Variants in HOOK2 observed in about 807,000 individuals in gnomAD.
HOOK2 encodes the protein protein Hook homolog 2.
Under a neutral mutation model 111.9 loss-of-function variants are expected in HOOK2, and 108 were observed. That is an observed-to-expected ratio of 0.96 (90% CI 0.83 to 1.13). The LOEUF (loss-of-function observed/expected upper bound fraction) is 1.13. Among genes scored for constraint, HOOK2 ranks in the 50% most tolerant of loss-of-function variants. The pLI, the probability that HOOK2 is intolerant of heterozygous loss-of-function variation, is 0.00. For missense variants in HOOK2, 978 were observed against 951.3 expected, an observed-to-expected ratio of 1.03 and a Z score of -0.37; for synonymous variants, 405 against 394.3, an observed-to-expected ratio of 1.03 and a Z score of -0.32.
Position 12,791,802 on chromosome 19 carries a change from CACG to C in HOOK2, n.42-17580_42-17578del, listed in dbSNP as rs772785758. The C allele has an allele frequency of 6.2e-6, 10 of 1,612,436 alleles. No individual in the cohort carries two copies. Among genetic ancestry groups the C allele is most frequent in the Non-Finnish European group, 8.5e-6 (10 of 1,179,122 alleles). ...CACTAAAATGGAACAGCCCTTCTAC[CACG>C]ACGACTCATACACAGCTACGGGATA... is the stretch of plus-strand genomic sequence containing the variant. On this transcript the variant is annotated intron_variant and non_coding_transcript_variant, in intron 3 of 3. Coordinates refer to the HOOK2 transcript ENST00000589765. This position sits in a 1 kb window ranked among gnomAD's most constrained non-coding sequence, Gnocchi z 7.0.
chr19:12,775,207 G>T (rs1968462907), intron 1 of HOOK2, 198 bp downstream of exon 1: 1 of 985,366 alleles, frequency 1.0e-6, no homozygotes, highest in Non-Finnish European at 1.2e-6. Context: ...CCACAGAGGG[G>T]CGGGGCCTCA....
At chr19:12,773,810 C>G (rs1304591434) in intron 3 of HOOK2, 3 of 152,940 alleles carry the variant, frequency 2.0e-5, no homozygotes, top group Admixed American at 1.3e-4. Flanking sequence ...GAATCCACAC[C>G]CCCACCATGG....
At position 12,763,579 on chromosome 19, in the gene HOOK2, T is replaced by G. The variant is rs1350994884; in HGVS notation, c.1959A>C (p.Arg653=). 1 of 1,614,070 alleles carries G rather than the reference T, an allele frequency of 6.2e-7. No individual in the cohort carries two copies. Among genetic ancestry groups the G allele is most frequent in the African/African-American group, 1.3e-5 (1 of 74,918 alleles). Residue 653 remains arginine (R), a synonymous_variant, in exon 22 of 23, where the codon CGA becomes CGC. Transcript: ENST00000397668. ...GCTTTTCTTCCTGCTCCCGCTGACT[T>G]CGGCTTTTCTCAAAGTCCATCTGTC... ...RHLEMDFEKS[R]SQREQEEKLL...
chr19:12,779,278 A>G (rs1968572095), upstream of HOOK2, among the ~76,000 whole-genome samples: 3 of 151,788 alleles, frequency 2.0e-5, no homozygotes, highest in Admixed American at 2.0e-4. Flanking sequence ...CAGCGTTCAC[A>G]TCTGGGCAGG....
rs375643477 is a variant in HOOK2 at position 12,774,852 on chromosome 19, G to A, written c.91C>T (p.Leu31=). 2 of 1,614,014 alleles carry A rather than the reference G, an allele frequency of 1.2e-6. No individual in the cohort carries two copies. Among genetic ancestry groups the A allele is most frequent in the African/African-American group, 2.7e-5 (2 of 74,910 alleles). Residue 31 remains leucine, a synonymous_variant, in exon 2 of 23, where the codon CTG becomes TTG. Transcript: ENST00000397668. ...TAGGCTACGGCAAGGCCGCTGCTCA[G>A]GTCCTGAGGGCTGGCACAGGGAGAC... The part of the protein sequence containing the change: ...VPSPCASPQD[L]SSGLAVAYVL...
intron 3 of HOOK2, chr19:12,773,938 G>A (rs1158354230): frequency 6.5e-6 from 1 of 153,066 alleles, no homozygotes; most frequent in Non-Finnish European, 1.5e-5. Context: ...CTTTACATCT[G>A]CTATTCCCTA....
Position 12,769,971 on chromosome 19 carries a change from G to A in HOOK2, c.1014C>T (p.Asn338=), listed in dbSNP as rs749340465. Residue 338 remains asparagine, a synonymous_variant, in exon 11 of 23, where the codon AAC becomes AAT. Coordinates refer to ENST00000397668, the MANE Select transcript of HOOK2 (RefSeq NM_013312.3). ...RRQVRQLEER[N]AGHAERTRQL... is the part of the protein sequence containing the mutation. ...GTCGCGTGCGCTCGGCGTGGCCGGC[G>A]TTGCGTTCCTCCAGCTGCCGCACCT... is the stretch of plus-strand genomic sequence containing the variant. 5.8e-6 allele frequency: 9 copies of A among 1,552,560 alleles called. No homozygotes were observed. Among genetic ancestry groups the A allele is most frequent in the Non-Finnish European group, 7.8e-6 (9 of 1,155,380 alleles).
chr19:12,781,224 A>T (rs1267405694), upstream of HOOK2, among the ~76,000 whole-genome samples: 3 of 143,700 alleles, frequency 2.1e-5, no homozygotes. Flanking sequence ...AATGGCGTGA[A>T]CCCGGGAGGC....
At position 12,769,955 on chromosome 19, in the gene HOOK2, G is replaced by T. The variant is rs182407230; in HGVS notation, c.1030C>A (p.Arg344Ser). The T allele has an allele frequency of 2.1e-5, 33 of 1,555,294 alleles. 1 individual carries two copies. In the Middle Eastern group the frequency reaches 5.8e-4, roughly 27 times the overall value. Residue 344 changes from arginine (R) to serine (S), a missense_variant, in exon 11 of 23, where the codon CGC becomes AGC. This residue lies in a region of HOOK2 where 388 missense variants were observed against 358.3 expected (regional missense o/e 1.08). Transcript: ENST00000397668. ...LEERNAGHAE[R>S]TRQLEDELRR... ...AGCTCATCCTCCAGTTGTCGCGTGC[G>T]CTCGGCGTGGCCGGCGTTGCGTTCC...
chr19:12,772,695 G>A lies in HOOK2; in HGVS notation c.389-15C>T. On this transcript the variant is annotated splice_polypyrimidine_tract_variant and intron_variant, in intron 5 of 22. Transcript: ENST00000397668. ...CTGGATGTGGTCTGGGGATCAAGGT[G>A]GGGGAGGCTGAGACCCAGGGGTGAG... is the stretch of plus-strand genomic sequence containing the variant. 2 of 1,614,172 alleles carry A rather than the reference G, an allele frequency of 1.2e-6. No individual in the cohort carries two copies. Among genetic ancestry groups the A allele is most frequent in the Non-Finnish European group, 1.7e-6 (2 of 1,179,982 alleles).
At chr19:12,783,181 A>C (rs1465408595), upstream of HOOK2, among the ~76,000 whole-genome samples, 1 of 151,704 alleles carries the variant, frequency 6.6e-6, no homozygotes, top group Non-Finnish European at 1.5e-5. Flanking sequence ...GGGGCTGCGG[A>C]GTCTGGGACC....
intron 3 of HOOK2, chr19:12,792,299 G>A (rs2145806854): frequency 6.7e-7 from 1 of 1,499,736 alleles, no homozygotes; most frequent in South Asian, 1.3e-5. Context: ...ACGCCGGCCC[G>A]GAGCCACCTC....
chr19:12,771,675 G>A, intron 7 of HOOK2, 198 bp from the exon 8 acceptor site: 1 of 583,052 alleles, frequency 1.7e-6, no homozygotes. Flanking sequence ...CTGAGATCAG[G>A]AGTTCCAGAC....
chr19:12,765,556 TG>T, intron 18 of HOOK2, 133 bp downstream of exon 18: 1 of 1,236,094 alleles, frequency 8.1e-7, no homozygotes, highest in Non-Finnish European at 1.2e-6. Context: ...GAGACCAGCC[TG>T]GCCAACATAG....
chr19:12,769,360 G>A (rs1349940255), intron 11 of HOOK2, among the ~76,000 whole-genome samples: 1 of 151,390 alleles, frequency 6.6e-6, no homozygotes, highest in Non-Finnish European at 1.5e-5. Context: ...TACAGAAGGA[G>A]TTATGGGGTG....
chr19:12,775,501 C>T lies in HOOK2; in HGVS notation c.-52G>A. 6.3e-7 allele frequency: 1 copy of T among 1,579,364 alleles called. No individual in the cohort carries two copies. Among genetic ancestry groups the T allele is most frequent in the East Asian group, 2.4e-5 (1 of 41,410 alleles). The stretch of plus-strand genomic sequence containing the variant: ...CACGGAGCCCCGGCGCCGCAGCAGC[C>T]TCCGGGTCCGCCACCAGCGAGCGCC... On this transcript the variant is annotated 5_prime_UTR_variant, in exon 1 of 23. Coordinates refer to ENST00000397668, the MANE Select transcript of HOOK2 (RefSeq NM_013312.3).
upstream of HOOK2, among the ~76,000 whole-genome samples, chr19:12,776,781 G>A (rs1319902135): frequency 6.6e-6 from 1 of 151,736 alleles, no homozygotes; most frequent in East Asian, 1.9e-4. Flanking sequence ...CCAGGAGGTC[G>A]AGACTGCAGT....
chr19:12,771,736 G>A (rs1464007692), intron 7 of HOOK2: 4 of 488,798 alleles, frequency 8.2e-6, no homozygotes, highest in Non-Finnish European at 1.5e-5. Context: ...ACAAAAATTA[G>A]CCGGGTGTGG....
chr19:12,765,483 C>A, intron 18 of HOOK2: 1 of 662,514 alleles, frequency 1.5e-6, no homozygotes, highest in Non-Finnish European at 2.6e-6. Context: ...CGCGGTGGCT[C>A]ATGCCTGTAA....
Sources: gnomAD v4.1 joint callset for allele counts (sites outside exome capture counted in the v4.1 genomes callset) on GRCh38, gnomAD v4.1.1 for gene constraint, gnomAD v4.1.1 regional missense constraint, Gnocchi (gnomAD v3.1) non-coding constraint, MANE v1.5 for transcripts, NCBI Gene and HGNC (gene_info 2026-07-23, HGNC 2026-07-21) for gene names.